MAP4K5: variants seen among roughly 807,000 people sequenced by gnomAD.
MAP4K5 encodes MAPK/ERK kinase kinase kinase 5.
MAP4K5 carries 82 observed loss-of-function variants against 135.6 expected under a neutral mutation model. The ratio of observed to expected loss-of-function variants is 0.60; its 90% CI spans 0.51 to 0.73. The LOEUF (loss-of-function observed/expected upper bound fraction) is 0.73, where lower values mean the gene tolerates loss of function less well. Among genes scored for constraint, MAP4K5 ranks in the 30% least tolerant of loss-of-function variants. The pLI is 0.00. For synonymous variants in MAP4K5, 347 were observed against 335.0 expected (o/e 1.04, Z -0.39); for missense variants, 907 against 1,010.9 (o/e 0.90, Z 1.39).
chr14:50,499,307 T>C (rs1300668206), intron 3 of MAP4K5, among the ~76,000 whole-genome samples: 3 of 152,114 alleles, frequency 2.0e-5, no homozygotes, highest in Non-Finnish European at 4.4e-5. Flanking sequence ...GGGAAAGCTG[T>C]GTAAAAATAA....
intron 14 of MAP4K5, among the ~76,000 whole-genome samples, chr14:50,453,044 G>A (rs1182693363): frequency 2.0e-5 from 3 of 152,186 alleles, no homozygotes; most frequent in Non-Finnish European, 2.9e-5. Flanking sequence ...GATACCTGTA[G>A]AGTCCCTATT....
At chr14:50,518,632 G>C (rs929350572) in intron 2 of MAP4K5, among the ~76,000 whole-genome samples, 1 of 152,204 alleles carries the variant, frequency 6.6e-6, no homozygotes. Flanking sequence ...GACAGATTCA[G>C]AGCCTAAAGC....
chr14:50,515,265 C>G (rs1048833098), intron 2 of MAP4K5, among the ~76,000 whole-genome samples: 1 of 152,148 alleles, frequency 6.6e-6, no homozygotes, highest in African/African-American at 2.4e-5. Flanking sequence ...TATCCTTTCT[C>G]TTGCCTCCAC....
intron 20 of MAP4K5, 24 bp from the exon 21 acceptor site, chr14:50,442,840 T>A: frequency 7.2e-7 from 1 of 1,382,580 alleles, no homozygotes; most frequent in Non-Finnish European, 1.0e-6. Flanking sequence ...AAAGAAATGT[T>A]AACTTATTTG....
At chr14:50,454,153 C>A (rs10133758) in intron 14 of MAP4K5, among the ~76,000 whole-genome samples, 2,159 of 152,122 alleles carry the variant, frequency 0.014, 41 homozygotes, top group African/African-American at 0.05. Flanking sequence ...GTAAAAGAAG[C>A]CAGGAACAAA....
intron 13 of MAP4K5, among the ~76,000 whole-genome samples, chr14:50,457,255 G>A (rs1286646798): frequency 1.3e-5 from 2 of 152,110 alleles, no homozygotes; most frequent in African/African-American, 4.8e-5. Context: ...CTTGGCAAAA[G>A]GAATTTTTTG....
chr14:50,420,887 A>T (rs1384733768), intron 32 of MAP4K5, among the ~76,000 whole-genome samples: 1 of 147,210 alleles, frequency 6.8e-6, no homozygotes, highest in African/African-American at 2.5e-5. Flanking sequence ...GACTGATAGG[A>T]AAAAAAAAAA....
chr14:50,510,970 T>G (rs1422404615), intron 2 of MAP4K5, among the ~76,000 whole-genome samples: 2 of 152,000 alleles, frequency 1.3e-5, no homozygotes, highest in African/African-American at 4.8e-5. Context: ...CCAACTGAGC[T>G]AAAAAGTTAT....
intron 28 of MAP4K5, 44 bp from the exon 29 acceptor site, chr14:50,429,304 T>C (rs2035919792): frequency 6.0e-6 from 7 of 1,160,132 alleles, no homozygotes; most frequent in Non-Finnish European, 8.7e-6. Flanking sequence ...TTTTAAAACC[T>C]AGAGCCTAGA....
intron 8 of MAP4K5, among the ~76,000 whole-genome samples, chr14:50,475,845 G>A (rs2037085226): frequency 6.6e-6 from 1 of 152,148 alleles, no homozygotes; most frequent in South Asian, 2.1e-4. Flanking sequence ...ATTTATCACA[G>A]TTTAACAGTT....
chr14:50,493,334 T>C (rs990730377), intron 3 of MAP4K5, among the ~76,000 whole-genome samples: 1 of 152,224 alleles, frequency 6.6e-6, no homozygotes, highest in African/African-American at 2.4e-5. Context: ...CATGAGCATT[T>C]TGATTTTTTT....
intron 2 of MAP4K5, among the ~76,000 whole-genome samples, chr14:50,527,411 CAA>C (rs368632426): frequency 6.4e-4 from 79 of 123,478 alleles, no homozygotes; most frequent in African/African-American, 1.1e-3. Context: ...CCCTGTCATC[CAA>C]AAAAAAAAAA....
At chr14:50,442,457 A>G (rs1046970354) in intron 21 of MAP4K5, among the ~76,000 whole-genome samples, 3 of 152,142 alleles carry the variant, frequency 2.0e-5, no homozygotes, top group Admixed American at 6.5e-5. Context: ...TGTCCCAATA[A>G]CGTCCTTTTA....
chr14:50,479,919 T>C (rs74894468), intron 6 of MAP4K5, among the ~76,000 whole-genome samples: 3 of 152,168 alleles, frequency 2.0e-5, no homozygotes, highest in Non-Finnish European at 4.4e-5. Context: ...GGGGCAATTA[T>C]ATGGCTTCCT....
chr14:50,429,795 A>C (rs2035929860), intron 28 of MAP4K5, among the ~76,000 whole-genome samples: 1 of 152,200 alleles, frequency 6.6e-6, no homozygotes, highest in Non-Finnish European at 1.5e-5. Context: ...ACACTGAGTA[A>C]CATAATGAAC....
At chr14:50,516,423 G>A (rs2038034773) in intron 2 of MAP4K5, among the ~76,000 whole-genome samples, 1 of 152,104 alleles carries the variant, frequency 6.6e-6, no homozygotes, top group South Asian at 2.1e-4. Context: ...GAGCTAACCT[G>A]GACTGAAAAC....
chr14:50,502,894 C>G (rs2037736759), intron 3 of MAP4K5, among the ~76,000 whole-genome samples: 1 of 151,982 alleles, frequency 6.6e-6, no homozygotes, highest in Admixed American at 6.6e-5. Flanking sequence ...AGTTCTCTTT[C>G]ATCCCTTAGA....
intron 3 of MAP4K5, among the ~76,000 whole-genome samples, chr14:50,498,644 G>A (rs2037644237): frequency 6.6e-6 from 1 of 152,112 alleles, no homozygotes; most frequent in Non-Finnish European, 1.5e-5. Flanking sequence ...GGGCAAGTCA[G>A]TAAATACAAT....
intron 4 of MAP4K5, 178 bp downstream of exon 4, chr14:50,485,926 A>G: frequency 1.9e-6 from 1 of 540,154 alleles, no homozygotes; most frequent in South Asian, 2.9e-5. Context: ...TAAAAATGGG[A>G]GTACCATTAT....
Sources: gnomAD v4.1 joint callset for allele counts (sites outside exome capture counted in the v4.1 genomes callset) on GRCh38, gnomAD v4.1.1 for gene constraint, MANE v1.5 for transcripts, NCBI Gene and HGNC (gene_info 2026-07-23, HGNC 2026-07-21) for gene names.